Variants in SRM observed in about 807,000 individuals in gnomAD.
SRM encodes the protein spermidine synthase, also known as putrescine aminopropyltransferase.
Under a neutral mutation model 39.3 loss-of-function variants are expected in SRM, and 14 were observed. That is an observed-to-expected ratio of 0.36 (90% CI 0.24 to 0.56). The LOEUF (loss-of-function observed/expected upper bound fraction) is 0.56, where lower values mean the gene tolerates loss of function less well. Among genes scored for constraint, SRM ranks in the 20% least tolerant of loss-of-function variants. The probability of loss-of-function intolerance (pLI) is 0.86; values close to 1 mark genes in which losing one functional copy is unlikely to be tolerated. For synonymous variants in SRM, 195 were observed against 173.1 expected (o/e 1.13, Z -0.99); for missense variants, 244 against 409.2 (o/e 0.60, Z 3.48).
At chr1:11,056,506 G>A (rs1489721649) in intron 4 of SRM, 98 bp downstream of exon 4, 1 of 1,435,206 alleles carries the variant, frequency 7.0e-7, no homozygotes, top group African/African-American at 1.4e-5. Context: ...TAGTTCGGGG[G>A]GTGGGAGGCC....
In SRM at chr1:11,054,905, G is replaced by C. The variant is rs959791366; in HGVS notation, c.889-20C>G. 2 of 1,611,590 alleles carry C rather than the reference G, an allele frequency of 1.2e-6. No individual in the cohort carries two copies. Among genetic ancestry groups the C allele is most frequent in the Non-Finnish European group, 1.7e-6 (2 of 1,179,670 alleles). On this transcript the variant is annotated intron_variant, in intron 7 of 7. Transcript: ENST00000376957. This position sits in a 1 kb window ranked among gnomAD's most constrained non-coding sequence, Gnocchi z 4.8. ...CAGGGCCTGGAGGGACATGAGGCCA[G>C]TCAGGAGGGCGCTCTGGGTCCCTGG... is the stretch of plus-strand genomic sequence containing the variant.
Position 11,054,798 on chromosome 1 carries a change from G to A in SRM, c.*67C>T. ...GCAGGAGGTCCGGCCCGGGGCTGGAGGGGCCGAGGCACCCCGCAGGCTCCA... is the reference window on the plus strand; with the variant it reads ...GCAGGAGGTCCGGCCCGGGGCTGGAAGGGCCGAGGCACCCCGCAGGCTCCA... On this transcript the variant is annotated 3_prime_UTR_variant, in exon 8 of 8. Coordinates refer to ENST00000376957, the MANE Select transcript of SRM (RefSeq NM_003132.3). The surrounding 1 kb of genome is among the most constrained non-coding windows in gnomAD (Gnocchi z 4.8). The A allele has an allele frequency of 6.5e-7, 1 of 1,533,482 alleles. No homozygotes were observed. Among genetic ancestry groups the A allele is most frequent in the Non-Finnish European group, 8.8e-7 (1 of 1,140,260 alleles). 95.0% of individuals were successfully genotyped at this position (1,533,482 alleles called of 1,614,324 possible). A position where few individuals can be genotyped will look rare whatever the true frequency, so the allele number is the denominator to read the frequency against.
At chr1:11,057,459 A>AT (rs1182428886) in intron 3 of SRM, among the ~76,000 whole-genome samples, 1,406 of 118,692 alleles carry the variant, frequency 0.012, 69 homozygotes, top group African/African-American at 0.025. Flanking sequence ...AAGCTGGGCC[A>AT]TTTTTTTTTT....
rs116715096 is a variant in SRM at position 11,058,080 on chromosome 1, T to A, written c.381+720A>T. Among the ~76,000 whole-genome samples, 866 of 151,598 alleles carry A rather than the reference T, an allele frequency of 5.7e-3. 13 individuals are homozygous for A. The highest frequency in any genetic ancestry group is 0.02 in the African/African-American group (822 of 41,394). On this transcript the variant is annotated intron_variant, in intron 3 of 7. Transcript: ENST00000376957. ...AGGTGTGAGCCACCACGTCTGGCCATCTGATGTCTCCTTTAACTAGGACAT... is the reference window on the plus strand; with the variant it reads ...AGGTGTGAGCCACCACGTCTGGCCAACTGATGTCTCCTTTAACTAGGACAT...
At chr1:11,058,720 C>A in intron 3 of SRM, 80 bp downstream of exon 3, 3 of 1,284,254 alleles carry the variant, frequency 2.3e-6, no homozygotes, top group South Asian at 1.5e-5. Flanking sequence ...CTGCCTTGCT[C>A]GGGGGTGTGC....
At chr1:11,057,696 C>T (rs771905474) in intron 3 of SRM, among the ~76,000 whole-genome samples, 4 of 151,708 alleles carry the variant, frequency 2.6e-5, no homozygotes, top group African/African-American at 9.7e-5. Context: ...GACCACCCCC[C>T]ATGCATTCAC....
At chr1:11,059,497 C>T in intron 1 of SRM, 152 bp from the exon 2 acceptor site, 4 of 1,372,386 alleles carry the variant, frequency 2.9e-6, no homozygotes, top group Non-Finnish European at 3.0e-6. Flanking sequence ...GGCAGGCGGG[C>T]CGCCGGGTGG....
chr1:11,058,756 C>T, intron 3 of SRM, 44 bp downstream of exon 3: 1 of 1,537,062 alleles, frequency 6.5e-7, no homozygotes, highest in Admixed American at 1.9e-5. Context: ...CAGCTGGCCG[C>T]TGGGAGAACC....
intron 6 of SRM, 182 bp from the exon 7 acceptor site, chr1:11,055,266 AT>A (rs879796773): frequency 0.18 from 118,861 of 645,580 alleles, no homozygotes; most frequent in South Asian, 0.26. Context: ...CGCCCGGCTA[AT>A]TTTTTTTTTT....
intron 4 of SRM, among the ~76,000 whole-genome samples, chr1:11,056,394 G>A (rs933275200): frequency 6.6e-6 from 1 of 152,152 alleles, no homozygotes; most frequent in African/African-American, 2.4e-5. Context: ...CACTCTCCTT[G>A]GTCACCAGCT....
rs1192430793 is a variant in SRM at position 11,055,821 on chromosome 1, G to C, written c.725C>G (p.Pro242Arg). 1 of 1,611,706 alleles carries C rather than the reference G, an allele frequency of 6.2e-7. No homozygotes were observed. Among genetic ancestry groups the C allele is most frequent in the Non-Finnish European group, 8.5e-7 (1 of 1,179,360 alleles). ...CAGCATGAAGCCGATCTGGCCGCTG[G>C]GGTAGGTGGGGATGGTGCAGTAGGC... ...AYAYCTIPTY[P>R]SGQIGFMLCS... Residue 242 changes from proline (P) to arginine (R), a missense_variant, in exon 6 of 8, where the codon CCC becomes CGC. Pro to Arg is a moderately radical substitution (Grantham distance 103). Transcript: ENST00000376957.
At chr1:11,055,120 C>CTTTT in intron 6 of SRM, 36 bp from the exon 7 acceptor site, 23 of 1,441,440 alleles carry the variant, frequency 1.6e-5, no homozygotes, top group South Asian at 5.6e-5. Flanking sequence ...AGGGGGGGCA[C>CTTTT]TTTTTTTTTT....
intron 6 of SRM, 28 bp from the exon 7 acceptor site, chr1:11,055,112 G>C (rs191275910): frequency 5.8e-6 from 9 of 1,556,108 alleles, no homozygotes; most frequent in African/African-American, 1.4e-5. Context: ...GGCACATCAG[G>C]GGGGGCACTT....
At chr1:11,055,699 G>C in intron 6 of SRM, 82 bp downstream of exon 6, 2 of 1,443,158 alleles carry the variant, frequency 1.4e-6, no homozygotes, top group Non-Finnish European at 1.9e-6. Flanking sequence ...ACAGGTGTGA[G>C]CCACCGCGCC....
Position 11,056,868 on chromosome 1 carries a change from C to T in SRM, c.382-111G>A, listed in dbSNP as rs575477901. On this transcript the variant is annotated intron_variant, in intron 3 of 7. Transcript: ENST00000376957. ...CACAGGCAAGCCGCCTTGGCCAACCCCTTCCCTTTTTTTTATTATTTTTTT... is the reference window on the plus strand; with the variant it reads ...CACAGGCAAGCCGCCTTGGCCAACCTCTTCCCTTTTTTTTATTATTTTTTT... 75 of 1,102,360 alleles carry T rather than the reference C, an allele frequency of 6.8e-5. No homozygotes were observed. In the South Asian group the frequency reaches 1.0e-3, roughly 15 times the overall value. 68.3% of individuals were successfully genotyped at this position (1,102,360 alleles called of 1,614,324 possible).
At chr1:11,056,151 T>A in intron 4 of SRM, 57 bp from the exon 5 acceptor site, 1 of 1,475,406 alleles carries the variant, frequency 6.8e-7, no homozygotes, top group Non-Finnish European at 9.2e-7. Flanking sequence ...CCAGGGCCAC[T>A]GTCACCCACA....
At position 11,059,826 on chromosome 1, in the gene SRM, G is replaced by C; in HGVS notation, c.118C>G (p.Leu40Val). 2 of 1,575,980 alleles carry C rather than the reference G, an allele frequency of 1.3e-6. No individual in the cohort carries two copies. The highest frequency in any genetic ancestry group is 1.4e-5 in the African/African-American group (1 of 71,332). Residue 40 changes from leucine (L) to valine (V), a missense_variant, in exon 1 of 8, where the codon CTG becomes GTG. Transcript: ENST00000376957. Reference protein sequence around the residue: ...GQALSLQVEQLLHHRRSRYQD... With the variant: ...GQALSLQVEQVLHHRRSRYQD... ...TAGCGCGAGCGCCGGTGGTGGAGCA[G>C]CTGCTCCACCTGCAGTGACAGGGCC...
intron 4 of SRM, among the ~76,000 whole-genome samples, 174 bp downstream of exon 4, chr1:11,056,430 C>T (rs1570766755): frequency 6.6e-6 from 1 of 152,186 alleles, no homozygotes; most frequent in East Asian, 1.9e-4. Flanking sequence ...TCGCCTGGCT[C>T]CTGCCTACTG....
intron 1 of SRM, 107 bp from the exon 2 acceptor site, chr1:11,059,452 G>T: frequency 6.5e-7 from 1 of 1,536,582 alleles, no homozygotes. Context: ...AGGGGTCCCA[G>T]GGATGAGGAG....
Sources: gnomAD v4.1 joint callset for allele counts (sites outside exome capture counted in the v4.1 genomes callset) on GRCh38, gnomAD v4.1.1 for gene constraint, Gnocchi (gnomAD v3.1) non-coding constraint, MANE v1.5 for transcripts, NCBI Gene and HGNC (gene_info 2026-07-23, HGNC 2026-07-21) for gene names.